Variants in PMAIP1 observed in about 807,000 individuals in gnomAD.
PMAIP1 encodes the protein PMA-induced protein 1.
PMAIP1 carries 3 observed loss-of-function variants against 3.7 expected under a neutral mutation model. That is an observed-to-expected ratio of 0.82 (90% CI 0.37 to 2.12). The LOEUF is 2.12. Ranked by LOEUF, PMAIP1 falls within the 30% of genes most tolerant of loss-of-function variation. The pLI, the probability that PMAIP1 is intolerant of heterozygous loss-of-function variation, is 0.06. For synonymous variants in PMAIP1, 29 were observed against 26.2 expected (o/e 1.11, Z -0.32); for missense variants, 77 against 67.1 (o/e 1.15, Z -0.52).
intron 1 of PMAIP1, among the ~76,000 whole-genome samples, chr18:59,901,255 T>C (rs934427640): frequency 2.6e-5 from 4 of 152,238 alleles, no homozygotes. Context: ...AGGTGTGTAA[T>C]GCAATTTTTA....
intron 1 of PMAIP1, chr18:59,900,785 C>T: frequency 3.6e-6 from 2 of 555,108 alleles, no homozygotes; most frequent in Non-Finnish European, 6.3e-6. Flanking sequence ...TCCTTTTTTT[C>T]ATTCATTCAT....
intron 1 of PMAIP1, 90 bp from the exon 2 acceptor site, chr18:59,902,557 A>C: frequency 9.2e-7 from 1 of 1,092,232 alleles, no homozygotes; most frequent in South Asian, 1.3e-5. Flanking sequence ...GGGATACTCA[A>C]TTTGTCACTA....
At chr18:59,900,733 A>G in intron 1 of PMAIP1, 3 of 757,864 alleles carry the variant, frequency 4.0e-6, no homozygotes, top group Non-Finnish European at 6.2e-6. Flanking sequence ...TAAATAATCG[A>G]TATTGTGGGA....
At chr18:59,901,142 TCTTA>T (rs1268145280) in intron 1 of PMAIP1, among the ~76,000 whole-genome samples, 1 of 152,180 alleles carries the variant, frequency 6.6e-6, no homozygotes, top group African/African-American at 2.4e-5. Context: ...TTCTGAAGGA[TCTTA>T]CTTATGCATA....
At chr18:59,900,800 A>G in intron 1 of PMAIP1, 2 of 531,314 alleles carry the variant, frequency 3.8e-6, no homozygotes, top group Non-Finnish European at 6.7e-6. Flanking sequence ...ATTCATTCGC[A>G]CTCCCCACCC....
rs943900406 is a variant in PMAIP1 at position 59,903,501 on chromosome 18, G to T, written c.*748G>T. 6.6e-6 allele frequency: 1 copy of T among 152,120 alleles called. No individual in the cohort carries two copies. Among genetic ancestry groups the T allele is most frequent in the African/African-American group, 2.4e-5 (1 of 41,424 alleles). 9.4% of individuals were successfully genotyped at this position (152,120 alleles called of 1,614,324 possible). A position where few individuals can be genotyped will look rare whatever the true frequency, so the allele number is the denominator to read the frequency against. ...AGACTGAACATTCAATATAATAAAA[G>T]AACATGGGGATTTTGTATAACCAGG... is the stretch of plus-strand genomic sequence containing the variant. On this transcript the variant is annotated 3_prime_UTR_variant, in exon 2 of 2. Transcript: ENST00000316660.
chr18:59,900,268 G>C, intron 1 of PMAIP1, 33 bp downstream of exon 1: 2 of 1,536,432 alleles, frequency 1.3e-6, no homozygotes, highest in Non-Finnish European at 1.8e-6. Context: ...GAAGACCCAG[G>C]CCGGGCGGGG....
Position 59,902,719 on chromosome 18 carries a change from A to G in PMAIP1, c.131A>G (p.Asn44Ser). The change falls in exon 2 of 2, where the codon AAT becomes AGT. Residue 44 changes from asparagine to serine, a missense_variant. Coordinates refer to ENST00000316660, the MANE Select transcript of PMAIP1 (RefSeq NM_021127.3). ...CTGAACTTCCGGCAGAAACTTCTGAATCTGATATCCAAACTCTTCTGCTCA... is the reference window on the plus strand; with the variant it reads ...CTGAACTTCCGGCAGAAACTTCTGAGTCTGATATCCAAACTCTTCTGCTCA... ...DKLNFRQKLL[N>S]LISKLFCSGT 3 of 1,614,198 alleles carry G rather than the reference A, an allele frequency of 1.9e-6. No homozygotes were observed. The highest frequency in any genetic ancestry group is 2.2e-5 in the East Asian group (1 of 44,890).
intron 1 of PMAIP1, among the ~76,000 whole-genome samples, chr18:59,902,302 A>G (rs1358776572): frequency 6.6e-6 from 1 of 152,240 alleles, no homozygotes. Flanking sequence ...TAAAATAAAC[A>G]AAGTGGTTTT....
chr18:59,901,220 A>G (rs73449783), intron 1 of PMAIP1, among the ~76,000 whole-genome samples: 2 of 152,324 alleles, frequency 1.3e-5, no homozygotes, highest in African/African-American at 4.8e-5. Flanking sequence ...CTTAAACTTG[A>G]TTTGATTGAT....
At chr18:59,901,141 A>C (rs1430527565) in intron 1 of PMAIP1, among the ~76,000 whole-genome samples, 1 of 152,172 alleles carries the variant, frequency 6.6e-6, no homozygotes, top group Admixed American at 6.5e-5. Context: ...TTTCTGAAGG[A>C]TCTTACTTAT....
rs1236075569 is a variant in PMAIP1 at position 59,900,163 on chromosome 18, G to A, written c.-15G>A. ...CCCGGGCTCTGTAGCTGAGTGGGCG[G>A]CGGCACCGGCGGAGATGCCTGGGAA... On this transcript the variant is annotated 5_prime_UTR_variant, in exon 1 of 2. Coordinates refer to ENST00000316660, the MANE Select transcript of PMAIP1 (RefSeq NM_021127.3). 5.8e-6 allele frequency: 9 copies of A among 1,556,266 alleles called. No homozygotes were observed. Among genetic ancestry groups the A allele is most frequent in the Middle Eastern group, 1.7e-4 (1 of 5,974 alleles).
Position 59,900,392 on chromosome 18 carries a change from G to A in PMAIP1, c.58+157G>A, listed in dbSNP as rs1433246930. On this transcript the variant is annotated intron_variant, in intron 1 of 1. Transcript: ENST00000316660. ...TCTGTGCCCTGGCGCGAGCCTTAGG[G>A]GCGCCTCCAGAAAGTTCTTCGGGGT... is the stretch of plus-strand genomic sequence containing the variant. 21 of 1,548,914 alleles carry A rather than the reference G, an allele frequency of 1.4e-5. No homozygotes were observed. The East Asian group carries it at 4.2e-4, about 31-fold the overall frequency.
At chr18:59,901,752 A>G (rs1202719013) in intron 1 of PMAIP1, among the ~76,000 whole-genome samples, 1 of 152,218 alleles carries the variant, frequency 6.6e-6, no homozygotes, top group African/African-American at 2.4e-5. Context: ...TGAAATATTC[A>G]AGAAAATTGA....
intron 1 of PMAIP1, chr18:59,900,513 CCTTTCCTCCTCT>C (rs1301642646): frequency 7.7e-6 from 12 of 1,550,488 alleles, no homozygotes; most frequent in African/African-American, 1.4e-5. Context: ...GCAAAAAGCT[CCTTTCCTCCTCT>C]CTTTCCTCCT....
intron 1 of PMAIP1, among the ~76,000 whole-genome samples, chr18:59,901,714 T>C (rs1196431021): frequency 2.0e-5 from 3 of 152,214 alleles, no homozygotes; most frequent in African/African-American, 7.2e-5. Context: ...AATCATGAAG[T>C]GTACCCGAAA....
chr18:59,903,086 G>T lies in PMAIP1; in HGVS notation c.*333G>T. 1.8e-6 allele frequency: 1 copy of T among 560,584 alleles called. No individual in the cohort carries two copies. Among genetic ancestry groups the T allele is most frequent in the East Asian group, 3.0e-5 (1 of 33,328 alleles). 34.7% of individuals were successfully genotyped at this position (560,584 alleles called of 1,614,324 possible). On this transcript the variant is annotated 3_prime_UTR_variant, in exon 2 of 2. Transcript: ENST00000316660. The stretch of plus-strand genomic sequence containing the variant: ...AGTGTTTTTGCCGAAGATTACCGCT[G>T]GCCTACTGTGAAGGGAGATGACCTG...
chr18:59,902,642 C>CT lies in PMAIP1; in HGVS notation c.59-4dup. 1 of 1,613,682 alleles carries CT rather than the reference C, an allele frequency of 6.2e-7. No homozygotes were observed. On this transcript the variant is annotated splice_region_variant and splice_polypyrimidine_tract_variant and intron_variant, in intron 1 of 1. Coordinates refer to ENST00000316660, the MANE Select transcript of PMAIP1 (RefSeq NM_021127.3). The stretch of plus-strand genomic sequence containing the variant: ...TTCATGTCCATGTTTTGCTTTCCTT[C>CT]TCAGAGCTGGAAGTCGAGTGTGCTA...
At chr18:59,900,265 C>A in intron 1 of PMAIP1, 30 bp downstream of exon 1, 2 of 1,537,296 alleles carry the variant, frequency 1.3e-6, no homozygotes, top group African/African-American at 1.4e-5. Flanking sequence ...AGCGAAGACC[C>A]AGGCCGGGCG....
Sources: allele counts gnomAD v4.1 joint callset (sites outside exome capture counted in the v4.1 genomes callset), GRCh38; gene constraint gnomAD v4.1.1; transcripts MANE v1.5; gene names NCBI Gene and HGNC (gene_info 2026-07-23, HGNC 2026-07-21).